The following FBXL7 variants were observed in gnomAD, a reference collection of about 807,000 sequenced individuals.
FBXL7 encodes F-box and leucine rich repeat protein 7.
A neutral mutation model predicts 38.3 loss-of-function variants in FBXL7; 12 were observed. That is an observed-to-expected ratio of 0.31 (90% CI 0.20 to 0.51). FBXL7 has a LOEUF of 0.51. Among genes scored for constraint, FBXL7 ranks in the 20% least tolerant of loss-of-function variants. The pLI is 0.98. For synonymous variants in FBXL7, 297 were observed against 300.9 expected (o/e 0.99, Z 0.13); for missense variants, 567 against 676.4 (o/e 0.84, Z 1.79).
intron 2 of FBXL7, among the ~76,000 whole-genome samples, chr5:15,675,838 G>T (rs889840212): frequency 1.3e-5 from 2 of 152,206 alleles, no homozygotes; most frequent in Non-Finnish European, 2.9e-5. Flanking sequence ...GAGAAGGACT[G>T]TATAATTGTG....
chr5:15,667,927 C>T (rs143015024), intron 2 of FBXL7, among the ~76,000 whole-genome samples: 4 of 152,272 alleles, frequency 2.6e-5, no homozygotes, highest in African/African-American at 9.6e-5. Context: ...CCTCTTTGAT[C>T]CACTGTTTGT....
At chr5:15,619,437 C>T (rs1454619973) in intron 2 of FBXL7, among the ~76,000 whole-genome samples, 2 of 152,168 alleles carry the variant, frequency 1.3e-5, no homozygotes, top group Admixed American at 6.5e-5. Flanking sequence ...ACCTAACTAC[C>T]TGTAACAAGA....
intron 2 of FBXL7, among the ~76,000 whole-genome samples, chr5:15,657,069 A>T (rs183082322): frequency 1.3e-5 from 2 of 152,188 alleles, no homozygotes; most frequent in Non-Finnish European, 2.9e-5. Flanking sequence ...ATATTGAAGG[A>T]CATAAAACAA....
chr5:15,790,349 C>T lies in FBXL7; in HGVS notation c.128-137541C>T, dbSNP rs1714939830. Among the ~76,000 whole-genome samples the T allele has an allele frequency of 3.3e-5, 5 of 152,000 alleles. No individual in the cohort carries two copies. The South Asian group carries it at 8.3e-4, about 25-fold the overall frequency. Reference sequence around the variant, plus strand: ...TCCGCTTTGCTTGTCTGATGTTGGTCCCTTGTTCAACCTCTTTGTGACTCA... The same window carrying T: ...TCCGCTTTGCTTGTCTGATGTTGGTTCCTTGTTCAACCTCTTTGTGACTCA... On this transcript the variant is annotated intron_variant, in intron 2 of 3. Coordinates refer to ENST00000504595, the MANE Select transcript of FBXL7 (RefSeq NM_012304.5).
intron 1 of FBXL7, among the ~76,000 whole-genome samples, chr5:15,554,470 A>G (rs745834863): frequency 3.3e-5 from 5 of 152,208 alleles, no homozygotes; most frequent in Non-Finnish European, 4.4e-5. Context: ...TTAGACCTCA[A>G]AACAGCCCAG....
intron 2 of FBXL7, among the ~76,000 whole-genome samples, chr5:15,826,480 G>A (rs889234444): frequency 2.6e-5 from 4 of 152,046 alleles, no homozygotes; most frequent in Admixed American, 6.6e-5. Flanking sequence ...GTGCAGTGTC[G>A]TGATCTCTGC....
chr5:15,538,284 C>G (rs1263124170), intron 1 of FBXL7, among the ~76,000 whole-genome samples: 1 of 152,102 alleles, frequency 6.6e-6, no homozygotes, highest in African/African-American at 2.4e-5. Flanking sequence ...GGAAAAAATT[C>G]CTGATCCCAT....
chr5:15,706,027 C>T (rs1743670080), intron 2 of FBXL7, among the ~76,000 whole-genome samples: 1 of 151,878 alleles, frequency 6.6e-6, no homozygotes, highest in Admixed American at 6.6e-5. Context: ...GCCCTGAGGC[C>T]CAAAGGCAAT....
At chr5:15,583,243 G>T (rs971515737) in intron 1 of FBXL7, among the ~76,000 whole-genome samples, 4 of 152,102 alleles carry the variant, frequency 2.6e-5, no homozygotes, top group Non-Finnish European at 5.9e-5. Context: ...CTCCCAGCAG[G>T]TCTCTCCCTC....
At chr5:15,669,178 A>G (rs758187963) in intron 2 of FBXL7, among the ~76,000 whole-genome samples, 11 of 152,226 alleles carry the variant, frequency 7.2e-5, no homozygotes, top group Non-Finnish European at 1.5e-4. Flanking sequence ...TAGCCTATCA[A>G]TAATTTTTTT....
chr5:15,890,295 C>T (rs1374057591), intron 2 of FBXL7, among the ~76,000 whole-genome samples: 1 of 151,930 alleles, frequency 6.6e-6, no homozygotes, highest in Non-Finnish European at 1.5e-5. Flanking sequence ...CTCTTGTTGC[C>T]CAGGCTGGAT....
In FBXL7 at chr5:15,928,819, C is replaced by T. The variant is rs868003279; in HGVS notation, c.739+318C>T. 6.6e-6 allele frequency among the ~76,000 whole-genome samples: 1 copy of T among 152,118 alleles called. No individual in the cohort carries two copies. Among genetic ancestry groups the T allele is most frequent in the Non-Finnish European group, 1.5e-5 (1 of 68,032 alleles). On this transcript the variant is annotated intron_variant, in intron 3 of 3. Coordinates refer to ENST00000504595, the MANE Select transcript of FBXL7 (RefSeq NM_012304.5). The surrounding 1 kb of genome is among the most constrained non-coding windows in gnomAD (Gnocchi z 4.0). ...TGTTGGTGTGCTGCACCCATTAACT[C>T]GTCATTTAACATTAGGTGTATCTCC...
chr5:15,761,794 C>G (rs1436867878), intron 2 of FBXL7, among the ~76,000 whole-genome samples: 2 of 152,178 alleles, frequency 1.3e-5, no homozygotes, highest in Non-Finnish European at 2.9e-5. Flanking sequence ...GATCTGCCCA[C>G]TTTGGCCTCT....
chr5:15,743,946 G>A (rs529195337), intron 2 of FBXL7, among the ~76,000 whole-genome samples: 3 of 152,226 alleles, frequency 2.0e-5, no homozygotes, highest in South Asian at 4.2e-4. Flanking sequence ...TTTTAGCCAC[G>A]GCTGAAGTTG....
intron 2 of FBXL7, among the ~76,000 whole-genome samples, chr5:15,735,022 C>T (rs2126668134): frequency 6.6e-6 from 1 of 152,280 alleles, no homozygotes; most frequent in African/African-American, 2.4e-5. Flanking sequence ...ACCTCCGTCT[C>T]CTGGGTTCAA....
At chr5:15,860,481 G>A (rs974464961) in intron 2 of FBXL7, among the ~76,000 whole-genome samples, 11 of 152,150 alleles carry the variant, frequency 7.2e-5, no homozygotes, top group East Asian at 1.9e-4. Flanking sequence ...CTTGCACATC[G>A]TATTGAAAAG....
chr5:15,622,957 G>GATCCCC (rs1232714820), intron 2 of FBXL7, among the ~76,000 whole-genome samples: 12 of 151,972 alleles, frequency 7.9e-5, no homozygotes, highest in African/African-American at 2.7e-4. Context: ...CCCCCACTTT[G>GATCCCC]GCTTCCCAAA....
In FBXL7 at chr5:15,938,503, G is replaced by A. The variant is rs1371014807; in HGVS notation, c.*1317G>A. The A allele has an allele frequency of 1.3e-5, 2 of 152,306 alleles. No homozygotes were observed. Among genetic ancestry groups the A allele is most frequent in the Non-Finnish European group, 2.9e-5 (2 of 68,192 alleles). The allele number at this position is 152,306 out of a possible 1,614,324, so 9.4% of individuals were successfully genotyped here. A position where few individuals can be genotyped will look rare whatever the true frequency, so the allele number is the denominator to read the frequency against. On this transcript the variant is annotated 3_prime_UTR_variant, in exon 4 of 4. Transcript: ENST00000504595. Reference sequence around the variant, plus strand: ...AGACTTCATCACATGAAGCCTATTGGGGTTAAGTTTGTAAGTGTTTAATTG... The same window carrying A: ...AGACTTCATCACATGAAGCCTATTGAGGTTAAGTTTGTAAGTGTTTAATTG...
chr5:15,823,956 G>C (rs1398732114), intron 2 of FBXL7, among the ~76,000 whole-genome samples: 1 of 152,128 alleles, frequency 6.6e-6, no homozygotes, highest in Non-Finnish European at 1.5e-5. Flanking sequence ...CCTAGCACTT[G>C]ATCTGGAAAT....
Sources: allele counts gnomAD v4.1 joint callset (sites outside exome capture counted in the v4.1 genomes callset), GRCh38; gene constraint gnomAD v4.1.1; non-coding constraint Gnocchi (gnomAD v3.1); transcripts MANE v1.5; gene names NCBI Gene and HGNC (gene_info 2026-07-23, HGNC 2026-07-21).